LARGE1: variants seen among roughly 807,000 people sequenced by gnomAD.
The protein encoded by LARGE1 is xylosyl- and glucuronyltransferase LARGE1.
A neutral mutation model predicts 87.6 loss-of-function variants in LARGE1; 43 were observed. The observed-to-expected ratio is 0.49, with a 90% CI of 0.38 to 0.63. The LOEUF (loss-of-function observed/expected upper bound fraction) is 0.63, where lower values mean the gene tolerates loss of function less well. LARGE1 is among the 30% of genes least tolerant of loss of function. LARGE1 has a pLI of 0.00. For missense variants in LARGE1, 802 were observed against 1,000.2 expected, an observed-to-expected ratio of 0.80 and a Z score of 2.67; for synonymous variants, 434 against 394.6, an observed-to-expected ratio of 1.10 and a Z score of -1.18.
rs114805907 is a variant in LARGE1, at chr22:33,367,266, C to T, written c.1131+14653G>A. ...TAAGTGGATCTGGAATTAGGTGCCCCTATTCATTTCTTGGTGAGTTCACTT... is the reference window on the plus strand; with the variant it reads ...TAAGTGGATCTGGAATTAGGTGCCCTTATTCATTTCTTGGTGAGTTCACTT... On this transcript the variant is annotated intron_variant, in intron 9 of 14. Transcript: ENST00000397394. Among the ~76,000 whole-genome samples, 1,476 of 151,604 alleles carry T rather than the reference C, an allele frequency of 9.7e-3. 20 individuals carry two copies. The highest frequency in any genetic ancestry group is 0.034 in the African/African-American group (1,417 of 41,324).
intron 6 of LARGE1, chr22:33,436,621 C>T (rs1427887127): frequency 6.5e-6 from 1 of 153,606 alleles, no homozygotes; most frequent in Non-Finnish European, 1.5e-5. Context: ...TGACTGGTGA[C>T]AGTTATCTGA....
intron 10 of LARGE1, among the ~76,000 whole-genome samples, chr22:33,331,089 G>C (rs1470710256): frequency 6.6e-6 from 1 of 152,194 alleles, no homozygotes; most frequent in African/African-American, 2.4e-5. Context: ...ACATGGGTCA[G>C]GCATTGGGGT....
At chr22:33,728,028 T>C (rs1335568197) in intron 2 of LARGE1, among the ~76,000 whole-genome samples, 2 of 152,154 alleles carry the variant, frequency 1.3e-5, no homozygotes, top group African/African-American at 4.8e-5. Flanking sequence ...AGTGTCCATA[T>C]AAACAGAGAG....
chr22:33,645,871 C>T (rs1250627920), intron 3 of LARGE1, among the ~76,000 whole-genome samples: 2 of 152,132 alleles, frequency 1.3e-5, no homozygotes, highest in African/African-American at 4.8e-5. Context: ...CAAAGAAATG[C>T]AAATCAAAAC....
At chr22:33,864,248 A>C (rs561445515) in intron 1 of LARGE1, among the ~76,000 whole-genome samples, 3 of 152,336 alleles carry the variant, frequency 2.0e-5, no homozygotes, top group Non-Finnish European at 4.4e-5. Context: ...TGGAGCCCCC[A>C]TCAGTGCCTA....
chr22:33,784,524 G>A (rs1444647912), intron 1 of LARGE1, among the ~76,000 whole-genome samples: 1 of 152,138 alleles, frequency 6.6e-6, no homozygotes, highest in Non-Finnish European at 1.5e-5. Flanking sequence ...AACAAAAATG[G>A]AAGGTAAGGA....
At chr22:33,307,627 T>C (rs972527919) in intron 11 of LARGE1, among the ~76,000 whole-genome samples, 1 of 152,124 alleles carries the variant, frequency 6.6e-6, no homozygotes, top group African/African-American at 2.4e-5. Context: ...GGATATACTA[T>C]ACAGATAAGG....
chr22:33,574,550 A>C (rs1480160350), intron 5 of LARGE1, among the ~76,000 whole-genome samples: 3 of 152,042 alleles, frequency 2.0e-5, no homozygotes, highest in Non-Finnish European at 2.9e-5. Context: ...ATAAGAAAGG[A>C]GGGACAACAA....
chr22:33,245,803 G>A lies in LARGE1; in HGVS notation c.1730+58426C>T, dbSNP rs530510209. 1.2e-4 allele frequency among the ~76,000 whole-genome samples: 19 copies of A among 152,260 alleles called. No individual in the cohort carries two copies. In the East Asian group the frequency reaches 2.9e-3, roughly 23 times the overall value. On this transcript the variant is annotated intron_variant, in intron 11 of 11. Transcript: ENST00000608642. ...GCATGCCTGTAGTCCCAGCTATTTG[G>A]GAGGCTGAGGCAGGAGAATCACTTG...
chr22:33,473,555 C>G (rs192864489), intron 6 of LARGE1, among the ~76,000 whole-genome samples: 1 of 152,056 alleles, frequency 6.6e-6, no homozygotes, highest in Non-Finnish European at 1.5e-5. Flanking sequence ...AGGTTTCACC[C>G]TGTTGGTCAG....
intron 1 of LARGE1, among the ~76,000 whole-genome samples, chr22:33,788,577 C>T (rs1282624886): frequency 2.6e-5 from 4 of 152,206 alleles, no homozygotes; most frequent in South Asian, 2.1e-4. Flanking sequence ...TGGCTTGGAC[C>T]GAAATGCTGA....
chr22:33,687,071 C>A (rs575180154), intron 2 of LARGE1, among the ~76,000 whole-genome samples: 43 of 152,152 alleles, frequency 2.8e-4, no homozygotes, highest in Non-Finnish European at 4.7e-4. Flanking sequence ...TTGGGGATCA[C>A]TGCACTGGCT....
intron 11 of LARGE1, among the ~76,000 whole-genome samples, chr22:33,310,300 C>T (rs978268212): frequency 2.0e-5 from 3 of 152,142 alleles, no homozygotes; most frequent in Admixed American, 1.3e-4. Flanking sequence ...CATGAGGCCC[C>T]GCAACTGTAG....
chr22:33,866,207 A>C (rs1269201361), intron 1 of LARGE1, among the ~76,000 whole-genome samples: 1 of 152,168 alleles, frequency 6.6e-6, no homozygotes, highest in East Asian at 1.9e-4. Context: ...ATCATAAAGC[A>C]ATCTGCCTCA....
chr22:33,511,109 G>A (rs924004263), intron 6 of LARGE1, among the ~76,000 whole-genome samples: 3 of 152,170 alleles, frequency 2.0e-5, no homozygotes, highest in Non-Finnish European at 2.9e-5. Context: ...GAGACCAAAC[G>A]GGGGCAGCCA....
At chr22:33,128,291 T>C in the LARGE1 span, among the ~76,000 whole-genome samples, 2 of 152,334 alleles carry the variant, frequency 1.3e-5, no homozygotes, top group East Asian at 3.9e-4. Flanking sequence ...ATTATAAAGA[T>C]ACATGCGTGG....
chr22:33,407,103 A>G (rs1261875766), intron 7 of LARGE1, among the ~76,000 whole-genome samples: 2 of 152,156 alleles, frequency 1.3e-5, no homozygotes, highest in Non-Finnish European at 2.9e-5. Context: ...GAAAATGCAT[A>G]TAATATATAC....
intron 6 of LARGE1, among the ~76,000 whole-genome samples, chr22:33,476,467 C>A (rs2069084586): frequency 6.6e-6 from 1 of 152,212 alleles, no homozygotes; most frequent in Non-Finnish European, 1.5e-5. Flanking sequence ...ACATCTTATA[C>A]ATATTGACTG....
At chr22:33,067,660 GA>G in the LARGE1 span, among the ~76,000 whole-genome samples, 1 of 152,108 alleles carries the variant, frequency 6.6e-6, no homozygotes, top group Non-Finnish European at 1.5e-5. Context: ...CACATTCTTT[GA>G]AAAGCATTGC....
Sources: gnomAD v4.1 joint callset for allele counts (sites outside exome capture counted in the v4.1 genomes callset) on GRCh38, gnomAD v4.1.1 for gene constraint, MANE v1.5 for transcripts, NCBI Gene and HGNC (gene_info 2026-07-23, HGNC 2026-07-21) for gene names.